PRAG1: variants seen among roughly 807,000 people sequenced by gnomAD.
The protein encoded by PRAG1 is PEAK1 related, kinase-activating pseudokinase 1.
A neutral mutation model predicts 95.6 loss-of-function variants in PRAG1; 110 were observed. The ratio of observed to expected loss-of-function variants is 1.15; its 90% CI spans 0.99 to 1.35. The LOEUF (loss-of-function observed/expected upper bound fraction) is 1.35. Among genes scored for constraint, PRAG1 ranks in the 40% most tolerant of loss-of-function variants. The pLI is 0.00. For missense variants in PRAG1, 2,554 were observed against 1,864.7 expected, an observed-to-expected ratio of 1.37 and a Z score of -6.81; for synonymous variants, 1,052 against 819.4, an observed-to-expected ratio of 1.28 and a Z score of -4.85.
intron 3 of PRAG1, chr8:8,374,717 G>C (rs553846491): frequency 8.0e-5 from 79 of 985,354 alleles, no homozygotes; most frequent in Non-Finnish European, 9.0e-5. Flanking sequence ...AATCACCTCA[G>C]GATCTGGAAG....
chr8:8,333,351 T>C (rs1311298539), intron 4 of PRAG1, among the ~76,000 whole-genome samples: 1 of 152,224 alleles, frequency 6.6e-6, no homozygotes, highest in East Asian at 1.9e-4. Context: ...ACACGCTCCA[T>C]GCCTTTAGCG....
In PRAG1 at chr8:8,367,382, C is replaced by T. The variant is rs570968690; in HGVS notation, c.2162+8865G>A. On this transcript the variant is annotated intron_variant, in intron 3 of 5. Transcript: ENST00000615670. ...ATGAGGCAGGGGAATCGCTTGAACC[C>T]GGGAGGCAGAGGTTGCAGTGAGCTG... 3.7e-3 allele frequency among the ~76,000 whole-genome samples: 476 copies of T among 129,212 alleles called. 2 individuals carry two copies. The highest frequency in any genetic ancestry group is 0.031 in the South Asian group (112 of 3,586). The allele number at this position is 129,212 out of a possible 152,430, so 84.8% of individuals were successfully genotyped here.
intron 3 of PRAG1, among the ~76,000 whole-genome samples, chr8:8,355,094 C>T (rs1799642525): frequency 6.6e-6 from 1 of 151,528 alleles, no homozygotes; most frequent in African/African-American, 2.4e-5. Context: ...GATCTACACA[C>T]AAAAACCAGT....
Position 8,377,939 on chromosome 8 carries a change from G to C in PRAG1, c.470C>G (p.Pro157Arg). 6.2e-7 allele frequency: 1 copy of C among 1,614,008 alleles called. No homozygotes were observed. The highest frequency in any genetic ancestry group is 8.5e-7 in the Non-Finnish European group (1 of 1,179,996). Residue 157 changes from proline to arginine, a missense_variant, in exon 3 of 6, where the codon CCA becomes CGA. Pro to Arg is a moderately radical substitution (Grantham distance 103). Coordinates refer to ENST00000615670, the MANE Select transcript of PRAG1 (RefSeq NM_001080826.3). ...GTGCAGGCCGACCATGGTGTAAGCT[G>C]GGGGACAGCGAGAATTGCCATCAGG... ...TSPDGNSRCP[P>R]AYTMVGLHNL...
Position 8,377,510 on chromosome 8 carries a change from T to G in PRAG1, c.899A>C (p.Gln300Pro), listed in dbSNP as rs1210938567. 3 of 1,564,652 alleles carry G rather than the reference T, an allele frequency of 1.9e-6. No individual in the cohort carries two copies. Among genetic ancestry groups the G allele is most frequent in the South Asian group, 2.4e-5 (2 of 82,844 alleles). The change falls in exon 3 of 6, where the codon CAG becomes CCG. Residue 300 changes from glutamine (Q) to proline (P), a missense_variant. Physicochemically the swap from Gln to Pro is moderately conservative, Grantham distance 76 (BLOSUM62 -1). Transcript: ENST00000615670. ...EQGKCSGPAE[Q>P]EKRGPSFPKE... ...GGGGAAGCTCGGGCCCCGCTTCTCC[T>G]GCTCTGCGGGCCCGGAACACTTCCC...
intron 3 of PRAG1, chr8:8,374,566 C>A (rs1800317459): frequency 1.3e-6 from 1 of 797,186 alleles, no homozygotes; most frequent in African/African-American, 1.9e-5. Context: ...TAGGGCTGTT[C>A]TGAGGATGAA....
chr8:8,369,775 G>GGACT (rs949134657), intron 3 of PRAG1, among the ~76,000 whole-genome samples: 6 of 151,520 alleles, frequency 4.0e-5, no homozygotes, highest in Non-Finnish European at 5.9e-5. Flanking sequence ...TTAAGGGAGA[G>GGACT]GACTATAAGG....
chr8:8,329,421 T>G (rs1798750285), intron 4 of PRAG1, among the ~76,000 whole-genome samples: 1 of 151,774 alleles, frequency 6.6e-6, no homozygotes, highest in Non-Finnish European at 1.5e-5. Flanking sequence ...GTTGCAGCCC[T>G]AAGGAAATGT....
chr8:8,347,566 T>C (rs1799386128), intron 3 of PRAG1, among the ~76,000 whole-genome samples: 1 of 151,926 alleles, frequency 6.6e-6, no homozygotes, highest in Non-Finnish European at 1.5e-5. Flanking sequence ...AATTCGAGTT[T>C]TCTTGGTGGA....
In PRAG1 at chr8:8,318,280, C is replaced by T. The variant is rs1798342249; in HGVS notation, c.4095G>A (p.Lys1365=). The change falls in exon 6 of 6, where the codon AAG becomes AAA. Residue 1365 remains lysine, a synonymous_variant. Coordinates refer to ENST00000615670, the MANE Select transcript of PRAG1 (RefSeq NM_001080826.3). This position sits in a 1 kb window ranked among gnomAD's most constrained non-coding sequence, Gnocchi z 4.2. ...TGCGATCCACCGCCTTCTCCGCAAA[C>T]TTCATCATCATCAGGGCCCGCTTCA... The part of the protein sequence containing the change: ...IDMKRALMMM[K]FAEKAVDRRR... The T allele has an allele frequency of 3.1e-6, 5 of 1,614,166 alleles. No homozygotes were observed. The highest frequency in any genetic ancestry group is 1.1e-5 in the South Asian group (1 of 91,084).
chr8:8,374,582 T>C (rs777619861), intron 3 of PRAG1: 1 of 871,816 alleles, frequency 1.1e-6, no homozygotes, highest in Non-Finnish European at 1.4e-6. Context: ...ATGAAATGAG[T>C]TGTTATGTCT....
At chr8:8,378,165 G>C (rs781748413) in intron 2 of PRAG1, 87 bp from the exon 3 acceptor site, 64 of 1,438,236 alleles carry the variant, frequency 4.4e-5, no homozygotes, top group Non-Finnish European at 5.8e-5. Flanking sequence ...GAAGGGCAAC[G>C]ATACTGTAGA....
chr8:8,326,780 C>A (rs1168250036), intron 5 of PRAG1, among the ~76,000 whole-genome samples: 1 of 152,132 alleles, frequency 6.6e-6, no homozygotes, highest in Admixed American at 6.5e-5. Flanking sequence ...CAGAAGAGCT[C>A]AAATCCATTC....
intron 4 of PRAG1, among the ~76,000 whole-genome samples, chr8:8,329,124 G>A (rs1000042836): frequency 7.2e-5 from 11 of 152,066 alleles, no homozygotes; most frequent in African/African-American, 1.9e-4. Context: ...TGGGTGCGGC[G>A]GCTCATGCTT....
At chr8:8,328,932 C>T (rs567995977) in intron 4 of PRAG1, among the ~76,000 whole-genome samples, 179 of 152,330 alleles carry the variant, frequency 1.2e-3, no homozygotes, top group African/African-American at 3.7e-3. Context: ...AATATATCAC[C>T]ATATGCAAGT....
chr8:8,337,784 C>T (rs879850862), intron 4 of PRAG1, among the ~76,000 whole-genome samples: 3 of 152,166 alleles, frequency 2.0e-5, no homozygotes, highest in Non-Finnish European at 2.9e-5. Flanking sequence ...CCGTTGAACT[C>T]GCAAACCTCC....
chr8:8,377,226 C>G lies in PRAG1; in HGVS notation c.1183G>C (p.Gly395Arg). The part of the protein sequence containing the change: ...VTPSRCLGLT[G>R]EPQPPAHPRE... ...GGGTGGGCCGGGGGCTGGGGCTCCC[C>G]CGTCAGCCCAAGGCATCTGCTAGGG... is the stretch of plus-strand genomic sequence containing the variant. The change falls in exon 3 of 6, where the codon GGG becomes CGG. Residue 395 changes from glycine (G) to arginine (R), a missense_variant. By Grantham distance (125) the Gly-to-Arg change is moderately radical. Coordinates refer to ENST00000615670, the MANE Select transcript of PRAG1 (RefSeq NM_001080826.3). The G allele has an allele frequency of 6.2e-7, 1 of 1,612,478 alleles. No homozygotes were observed.
intron 3 of PRAG1, among the ~76,000 whole-genome samples, chr8:8,353,444 C>T (rs1476369568): frequency 1.3e-5 from 2 of 151,832 alleles, no homozygotes; most frequent in Non-Finnish European, 2.9e-5. Flanking sequence ...AAACAACATG[C>T]TCCCAAAACA....
At chr8:8,319,400 T>G (rs1327978678) in intron 5 of PRAG1, 98 bp from the exon 6 acceptor site, 1 of 1,010,936 alleles carries the variant, frequency 9.9e-7, no homozygotes, top group Non-Finnish European at 1.4e-6. Flanking sequence ...AATAAGCCTA[T>G]CCACATAGGC....
Sources: gnomAD v4.1 joint callset for allele counts (sites outside exome capture counted in the v4.1 genomes callset) on GRCh38, gnomAD v4.1.1 for gene constraint, Gnocchi (gnomAD v3.1) non-coding constraint, MANE v1.5 for transcripts, NCBI Gene and HGNC (gene_info 2026-07-23, HGNC 2026-07-21) for gene names.